EYA4: variants seen among roughly 807,000 people sequenced by gnomAD.
EYA4 encodes the protein protein phosphatase EYA4.
A neutral mutation model predicts 87.9 loss-of-function variants in EYA4; 31 were observed. That is an observed-to-expected ratio of 0.35 (90% CI 0.27 to 0.48). The LOEUF is 0.48. Ranked by LOEUF, EYA4 falls within the 20% of genes least tolerant of loss-of-function variation. EYA4 has a pLI of 0.99. For synonymous variants in EYA4, 263 were observed against 270.6 expected, an observed-to-expected ratio of 0.97 and a Z score of 0.28; for missense variants, 678 against 761.4, an observed-to-expected ratio of 0.89 and a Z score of 1.29.
In EYA4 at chr6:133,483,694, C is replaced by CATT. The variant is rs1796431941; in HGVS notation, c.1191+580_1191+582dup. ...TATTTTCTCTTTTATTTATTTATTT[C>CATT]ATTGTTATTATTATTATTATTATTA... is the stretch of plus-strand genomic sequence containing the variant. On this transcript the variant is annotated intron_variant, in intron 13 of 19. Coordinates refer to ENST00000355286, the MANE Select transcript of EYA4 (RefSeq NM_004100.5). 5.0e-5 allele frequency among the ~76,000 whole-genome samples: 6 copies of CATT among 120,416 alleles called. No individual in the cohort carries two copies. In the South Asian group the frequency reaches 1.4e-3, roughly 29 times the overall value. 79.0% of individuals were successfully genotyped at this position (120,416 alleles called of 152,430 possible).
rs758194534 is a variant in EYA4, at chr6:133,462,672, C to T, written c.632C>T (p.Thr211Ile). Residue 211 changes from threonine to isoleucine, a missense_variant, in exon 9 of 20, where the codon ACT becomes ATT. By Grantham distance (89) the Thr-to-Ile change is moderately conservative. Coordinates refer to ENST00000355286, the MANE Select transcript of EYA4 (RefSeq NM_004100.5). ...AIKTESGLSQTQSPLQSGCLS... is the reference protein window; with the variant it reads ...AIKTESGLSQIQSPLQSGCLS... The stretch of plus-strand genomic sequence containing the variant: ...AAGACAGAGAGTGGACTTTCCCAAA[C>T]TCAGTCCCCATTACAGAGTGGCTGC... The T allele has an allele frequency of 6.2e-7, 1 of 1,613,942 alleles. No homozygotes were observed.
intron 13 of EYA4, among the ~76,000 whole-genome samples, 158 bp downstream of exon 13, chr6:133,483,273 T>C (rs1562473673): frequency 6.6e-6 from 1 of 152,332 alleles, no homozygotes; most frequent in East Asian, 1.9e-4. Flanking sequence ...AGTTCTTTAA[T>C]ATGAACTGGC....
At chr6:133,338,349 T>C (rs1782532618) in intron 2 of EYA4, among the ~76,000 whole-genome samples, 1 of 148,024 alleles carries the variant, frequency 6.8e-6, no homozygotes, top group Non-Finnish European at 1.5e-5. Context: ...AAAATCTGTT[T>C]GTGCCTTACA....
chr6:133,284,988 G>GT (rs397801019), intron 2 of EYA4, among the ~76,000 whole-genome samples: 28,272 of 145,052 alleles, frequency 0.19, 2,770 homozygotes, highest in Admixed American at 0.22. Flanking sequence ...GTGGTTTTTT[G>GT]TTTTTTTTTT....
chr6:133,279,221 TC>T (rs1307393122), intron 2 of EYA4, among the ~76,000 whole-genome samples: 1 of 152,162 alleles, frequency 6.6e-6, no homozygotes, highest in Non-Finnish European at 1.5e-5. Flanking sequence ...AGTAAAACAT[TC>T]GTGAATATTA....
intron 3 of EYA4, among the ~76,000 whole-genome samples, chr6:133,399,014 C>T (rs1788037155): frequency 6.6e-6 from 1 of 152,124 alleles, no homozygotes; most frequent in African/African-American, 2.4e-5. Context: ...CATCTTTTAG[C>T]TAAATATATG....
chr6:133,427,654 C>T (rs1330364909), intron 3 of EYA4, among the ~76,000 whole-genome samples: 1 of 152,040 alleles, frequency 6.6e-6, no homozygotes, highest in African/African-American at 2.4e-5. Context: ...TGAATGGAAG[C>T]CATTGGAGAA....
intron 1 of EYA4, among the ~76,000 whole-genome samples, chr6:133,252,942 A>AACACACACACAC (rs3836960): frequency 7.2e-6 from 1 of 138,670 alleles, no homozygotes; most frequent in Non-Finnish European, 1.6e-5. Flanking sequence ...GGTACTTGAA[A>AACACACACACAC]ACACACACAC....
chr6:133,420,293 A>G (rs1303684790), intron 3 of EYA4, among the ~76,000 whole-genome samples: 2 of 152,210 alleles, frequency 1.3e-5, no homozygotes, highest in Non-Finnish European at 2.9e-5. Flanking sequence ...TTAGGCAAAG[A>G]CTATAGAAAG....
intron 13 of EYA4, among the ~76,000 whole-genome samples, chr6:133,504,919 C>G (rs1374773466): frequency 3.3e-5 from 5 of 152,230 alleles, no homozygotes; most frequent in African/African-American, 1.2e-4. Context: ...GCTCTCTCTT[C>G]TCAAATCCCT....
intron 13 of EYA4, among the ~76,000 whole-genome samples, chr6:133,491,201 G>C (rs2128728067): frequency 6.6e-6 from 1 of 152,070 alleles, no homozygotes; most frequent in Non-Finnish European, 1.5e-5. Flanking sequence ...ATGGAATACA[G>C]TGAAAGCAGC....
At chr6:133,377,249 A>G (rs1334305960) in intron 2 of EYA4, among the ~76,000 whole-genome samples, 8 of 152,084 alleles carry the variant, frequency 5.3e-5, no homozygotes, top group Non-Finnish European at 2.9e-5. Flanking sequence ...TTAACACAGT[A>G]TACCCAAAAT....
chr6:133,528,788 G>A lies in EYA4; in HGVS notation c.1903G>A (p.Glu635Lys). The A allele has an allele frequency of 1.9e-6, 3 of 1,613,628 alleles. No individual in the cohort carries two copies. The highest frequency in any genetic ancestry group is 2.5e-6 in the Non-Finnish European group (3 of 1,179,696). ...CCTCCTGGCTCTCCACCAAGCACTG[G>A]AATTAGAGTATTTGTAACTGTGTTC... The part of the protein sequence containing the change: ...SDLLALHQAL[E>K]LEYL The change falls in exon 20 of 20, where the codon GAA (glutamate) becomes AAA (lysine). Residue 635 changes from glutamate to lysine, a missense_variant. Physicochemically the swap from Glu to Lys is moderately conservative, Grantham distance 56 (BLOSUM62 1). Transcript: ENST00000355286.
chr6:133,422,322 CAA>C (rs1790289925), intron 3 of EYA4, among the ~76,000 whole-genome samples: 1 of 152,114 alleles, frequency 6.6e-6, no homozygotes, highest in African/African-American at 2.4e-5. Context: ...AATTCAGAAA[CAA>C]TATATAATAT....
chr6:133,296,564 T>G (rs1778961640), intron 2 of EYA4, among the ~76,000 whole-genome samples: 1 of 152,042 alleles, frequency 6.6e-6, no homozygotes, highest in Non-Finnish European at 1.5e-5. Context: ...AAGCTGATGG[T>G]GGATGTGGGG....
intron 13 of EYA4, among the ~76,000 whole-genome samples, chr6:133,487,721 C>T (rs1215830420): frequency 6.6e-6 from 1 of 152,182 alleles, no homozygotes; most frequent in South Asian, 2.1e-4. Flanking sequence ...GAATAATCAA[C>T]AGTAGTAGCA....
chr6:133,464,668 T>C, intron 9 of EYA4, 111 bp from the exon 10 acceptor site: 1 of 741,592 alleles, frequency 1.3e-6, no homozygotes, highest in East Asian at 2.7e-5. Context: ...CAAATTTCAC[T>C]GTCTTCACGA....
intron 13 of EYA4, among the ~76,000 whole-genome samples, chr6:133,487,793 C>T (rs1375284333): frequency 6.6e-6 from 1 of 152,148 alleles, no homozygotes; most frequent in African/African-American, 2.4e-5. Context: ...AGGTGTGACC[C>T]AGCATATTCC....
At chr6:133,300,170 G>T (rs924498499) in intron 2 of EYA4, among the ~76,000 whole-genome samples, 49 of 152,032 alleles carry the variant, frequency 3.2e-4, no homozygotes, top group African/African-American at 1.2e-3. Flanking sequence ...ATGTATTATT[G>T]TAAAGGTCTT....
Sources: allele counts gnomAD v4.1 joint callset (sites outside exome capture counted in the v4.1 genomes callset), GRCh38; gene constraint gnomAD v4.1.1; transcripts MANE v1.5; gene names NCBI Gene and HGNC (gene_info 2026-07-23, HGNC 2026-07-21).